The following MRC1 variants were observed in gnomAD, a reference collection of about 807,000 sequenced individuals.
The protein encoded by MRC1 is macrophage mannose receptor 1.
A neutral mutation model predicts 102.9 loss-of-function variants in MRC1; 62 were observed. The observed-to-expected ratio is 0.60, with a 90% CI of 0.49 to 0.74. MRC1 has a LOEUF of 0.74. Ranked by LOEUF, MRC1 falls within the 30% of genes least tolerant of loss-of-function variation. The pLI is 0.00. For missense variants in MRC1, 1,237 were observed against 862.8 expected, an observed-to-expected ratio of 1.43 and a Z score of -5.43; for synonymous variants, 457 against 298.4, an observed-to-expected ratio of 1.53 and a Z score of -5.48.
At chr10:17,815,060 A>C (rs2130574554) in intron 1 of MRC1, among the ~76,000 whole-genome samples, 1 of 152,240 alleles carries the variant, frequency 6.6e-6, no homozygotes, top group South Asian at 2.1e-4. Flanking sequence ...GATTTTGCCA[A>C]GTTAACAATA....
chr10:17,890,298 T>C (rs1327344912), intron 22 of MRC1, among the ~76,000 whole-genome samples: 4 of 152,294 alleles, frequency 2.6e-5, no homozygotes, highest in African/African-American at 9.6e-5. Context: ...TGTTTAGATG[T>C]TGTATCTTAG....
At chr10:17,892,114 G>A (rs1466997388) in intron 22 of MRC1, among the ~76,000 whole-genome samples, 3 of 152,152 alleles carry the variant, frequency 2.0e-5, no homozygotes, top group Non-Finnish European at 2.9e-5. Context: ...GCTCTTGAGT[G>A]CTGGTCTTAT....
chr10:17,832,322 C>G (rs927881013), intron 3 of MRC1, among the ~76,000 whole-genome samples: 4 of 151,166 alleles, frequency 2.6e-5, no homozygotes, highest in Non-Finnish European at 5.9e-5. Context: ...TTTGGGAAGC[C>G]GAGGCGGGTG....
chr10:17,835,070 C>T (rs1838642628), intron 4 of MRC1, among the ~76,000 whole-genome samples: 1 of 152,196 alleles, frequency 6.6e-6, no homozygotes. Flanking sequence ...TATTCCCGGT[C>T]TTGCATTTTG....
At chr10:17,823,963 A>C (rs1647382187) in intron 2 of MRC1, among the ~76,000 whole-genome samples, 1 of 152,204 alleles carries the variant, frequency 6.6e-6, no homozygotes, top group African/African-American at 2.4e-5. Flanking sequence ...TCTAAATGTT[A>C]CTGATTTATT....
intron 22 of MRC1, among the ~76,000 whole-genome samples, chr10:17,892,325 T>C (rs1833690807): frequency 6.6e-6 from 1 of 152,232 alleles, no homozygotes; most frequent in Admixed American, 6.5e-5. Context: ...ATTTTCAAAC[T>C]TGTCCACACT....
intron 9 of MRC1, among the ~76,000 whole-genome samples, chr10:17,861,174 G>C (rs1338593766): frequency 6.6e-6 from 1 of 152,174 alleles, no homozygotes; most frequent in Non-Finnish European, 1.5e-5. Flanking sequence ...TTGGCCGGGT[G>C]TGGTGGCACG....
At chr10:17,897,977 G>A (rs1833778291) in intron 23 of MRC1, 57 bp from the exon 24 acceptor site, 1 of 780,498 alleles carries the variant, frequency 1.3e-6, no homozygotes, top group Non-Finnish European at 2.4e-6. Context: ...TATCATTACT[G>A]ATAAGGCTCA....
intron 26 of MRC1, among the ~76,000 whole-genome samples, chr10:17,903,382 CTTT>C (rs1210207060): frequency 4.0e-5 from 5 of 125,052 alleles, no homozygotes; most frequent in African/African-American, 1.5e-4. Flanking sequence ...TTTTTCTTTT[CTTT>C]TTTTTTCTTT....
At chr10:17,829,722 A>G (rs1265533155) in intron 3 of MRC1, among the ~76,000 whole-genome samples, 1 of 151,614 alleles carries the variant, frequency 6.6e-6, no homozygotes, top group Non-Finnish European at 1.5e-5. Context: ...TCTTAAGGGT[A>G]TATATTTCAT....
chr10:17,883,250 C>A (rs889354698), intron 21 of MRC1, among the ~76,000 whole-genome samples: 5,477 of 152,182 alleles, frequency 0.036, 318 homozygotes, highest in African/African-American at 0.13. Flanking sequence ...GTCTTAGCCT[C>A]CCAAGTAGCT....
intron 9 of MRC1, among the ~76,000 whole-genome samples, chr10:17,859,491 C>T (rs1349633212): frequency 1.3e-5 from 2 of 152,008 alleles, no homozygotes; most frequent in Non-Finnish European, 2.9e-5. Context: ...CTAATTTTTG[C>T]ATTTTCAGTC....
chr10:17,869,253 T>C (rs1035725770), intron 12 of MRC1, among the ~76,000 whole-genome samples: 20 of 152,322 alleles, frequency 1.3e-4, no homozygotes, highest in South Asian at 6.2e-4. Context: ...TAAATTTAGT[T>C]AAGAAAATAA....
intron 22 of MRC1, among the ~76,000 whole-genome samples, chr10:17,892,550 G>T (rs1411678993): frequency 2.0e-5 from 3 of 152,114 alleles, no homozygotes; most frequent in Non-Finnish European, 4.4e-5. Context: ...CCATTTTCTT[G>T]CATTGTGGTT....
intron 3 of MRC1, 135 bp from the exon 4 acceptor site, chr10:17,833,540 A>T (rs928660615): frequency 2.5e-5 from 17 of 677,062 alleles, no homozygotes; most frequent in South Asian, 1.4e-4. Context: ...AAAAAAAAGT[A>T]GAAAGGGGGA....
chr10:17,909,102 T>C (rs1280220625), intron 28 of MRC1, among the ~76,000 whole-genome samples: 1 of 152,300 alleles, frequency 6.6e-6, no homozygotes, highest in African/African-American at 2.4e-5. Flanking sequence ...GAGAGACAGA[T>C]AGATGATAGG....
rs1299310662 is a variant in MRC1, at chr10:17,862,606, A to T, written c.1635-928A>T. 2.6e-5 allele frequency among the ~76,000 whole-genome samples: 4 copies of T among 152,314 alleles called. No individual in the cohort carries two copies. In the East Asian group the frequency reaches 7.7e-4, roughly 29 times the overall value. On this transcript the variant is annotated intron_variant, in intron 10 of 29. Coordinates refer to ENST00000569591, the MANE Select transcript of MRC1 (RefSeq NM_002438.4). ...CTCAGGAGTTCACTAACTGTTGTTAAATATGGTTTAGAGACATTTAAGGCA... is the reference window on the plus strand; with the variant it reads ...CTCAGGAGTTCACTAACTGTTGTTATATATGGTTTAGAGACATTTAAGGCA...
At chr10:17,857,608 G>A (rs1161242567) in intron 9 of MRC1, among the ~76,000 whole-genome samples, 4 of 152,160 alleles carry the variant, frequency 2.6e-5, no homozygotes, top group African/African-American at 9.6e-5. Context: ...AAAAAGAAGA[G>A]GAAACTGAAA....
At chr10:17,814,036 A>G (rs1429234883) in intron 1 of MRC1, among the ~76,000 whole-genome samples, 17 of 152,266 alleles carry the variant, frequency 1.1e-4, no homozygotes, top group African/African-American at 4.1e-4. Context: ...GGTTTAATCT[A>G]CAAATATTGC....
Sources: gnomAD v4.1 joint callset for allele counts (sites outside exome capture counted in the v4.1 genomes callset) on GRCh38, gnomAD v4.1.1 for gene constraint, MANE v1.5 for transcripts, NCBI Gene and HGNC (gene_info 2026-07-23, HGNC 2026-07-21) for gene names.